The following OR2T35 variants were observed in gnomAD, a reference collection of about 807,000 sequenced individuals.
OR2T35 encodes the protein olfactory receptor 2T35.
For missense variants in OR2T35, 47 were observed against 278.8 expected (o/e 0.17, Z 5.92); for synonymous variants, 18 against 110.2 (o/e 0.16, Z 5.24).
At chr1:248,644,574 T>C (rs1234909313) in intron 1 of OR2T35, among the ~76,000 whole-genome samples, 4 of 142,394 alleles carry the variant, frequency 2.8e-5, no homozygotes, top group Non-Finnish European at 6.2e-5. Flanking sequence ...AGCTGAGGTG[T>C]GTGGGGTGGA....
intron 1 of OR2T35, among the ~76,000 whole-genome samples, chr1:248,644,424 ACT>A (rs753291144): frequency 1.5e-4 from 18 of 118,156 alleles, no homozygotes; most frequent in Non-Finnish European, 2.6e-4. Context: ...TGATTCCGAA[ACT>A]CGAGACTGAA....
intron 1 of OR2T35, among the ~76,000 whole-genome samples, chr1:248,642,247 AGAAAAAG>A (rs1414618130): frequency 9.2e-6 from 1 of 108,830 alleles, no homozygotes; most frequent in African/African-American, 2.6e-5. Flanking sequence ...AAAAAGAAAA[AGAAAAAG>A]CTTTTATTTG....
At chr1:248,641,830 G>A (rs1381046792) in intron 1 of OR2T35, among the ~76,000 whole-genome samples, 1 of 83,892 alleles carries the variant, frequency 1.2e-5, no homozygotes, top group East Asian at 3.2e-4. Flanking sequence ...GATATGTGTA[G>A]GGAAAAGGCC....
At chr1:248,642,206 C>A (rs1399460764) in intron 1 of OR2T35, among the ~76,000 whole-genome samples, 1 of 61,778 alleles carries the variant, frequency 1.6e-5, no homozygotes, top group Non-Finnish European at 5.3e-5. Context: ...CCTTCATCAA[C>A]TAGTCTTTCC....
At chr1:248,644,614 C>T (rs996872130) in intron 1 of OR2T35, among the ~76,000 whole-genome samples, 9 of 144,460 alleles carry the variant, frequency 6.2e-5, no homozygotes, top group African/African-American at 2.1e-4. Flanking sequence ...GCAGAGAGAC[C>T]AGAACTCAGC....
In OR2T35 at chr1:248,641,735, G is replaced by A. The variant is rs146839367; in HGVS notation, c.-22-2455C>T. Among the ~76,000 whole-genome samples the A allele has an allele frequency of 8.9e-3, 729 of 81,838 alleles. 83 individuals are homozygous for A. The highest frequency in any genetic ancestry group is 0.015 in the Admixed American group (99 of 6,512). 53.7% of individuals were successfully genotyped at this position (81,838 alleles called of 152,430 possible). A position where few individuals can be genotyped will look rare whatever the true frequency, so the allele number is the denominator to read the frequency against. On this transcript the variant is annotated intron_variant, in intron 1 of 1. Coordinates refer to ENST00000641268, the MANE Select transcript of OR2T35 (RefSeq NM_001001827.2). ...AAAAAGGTTCCTTGTGAGTGTGAGC[G>A]TTGTGCGTACATGTGTGTGTAGTGT...
intron 1 of OR2T35, among the ~76,000 whole-genome samples, chr1:248,642,179 TA>T (rs1400737928): frequency 9.7e-5 from 7 of 72,288 alleles, no homozygotes; most frequent in African/African-American, 2.4e-4. Context: ...TTCTCCACTC[TA>T]AGACACTTAG....
intron 1 of OR2T35, among the ~76,000 whole-genome samples, chr1:248,643,197 T>TC: frequency 2.3e-5 from 1 of 43,374 alleles, no homozygotes; most frequent in Admixed American, 2.2e-4. Context: ...TAGTTACTTC[T>TC]CCAGACCTCA....
At position 248,638,220 on chromosome 1, in the gene OR2T35, A is replaced by T. The variant is rs1660728380; in HGVS notation, c.*67T>A. On this transcript the variant is annotated 3_prime_UTR_variant, in exon 2 of 2. Transcript: ENST00000641268. Reference sequence around the variant, plus strand: ...CCTTCCTGATCAGTCACCACCCCTGATGCTCTGGGAGTCCCCGCTAATCCT... The same window carrying T: ...CCTTCCTGATCAGTCACCACCCCTGTTGCTCTGGGAGTCCCCGCTAATCCT... 1.1e-6 allele frequency: 1 copy of T among 949,856 alleles called. No individual in the cohort carries two copies. Among genetic ancestry groups the T allele is most frequent in the Non-Finnish European group, 1.7e-6 (1 of 600,148 alleles). 58.8% of individuals were successfully genotyped at this position (949,856 alleles called of 1,614,324 possible).
At chr1:248,642,191 G>T (rs1572108643) in intron 1 of OR2T35, among the ~76,000 whole-genome samples, 1 of 67,292 alleles carries the variant, frequency 1.5e-5, no homozygotes, top group Non-Finnish European at 4.6e-5. Context: ...AGACACTTAG[G>T]TTCCCCTTCA....
At chr1:248,642,388 C>T (rs1418586194) in intron 1 of OR2T35, among the ~76,000 whole-genome samples, 853 of 133,590 alleles carry the variant, frequency 6.4e-3, no homozygotes, top group African/African-American at 0.02. Context: ...GCAACATAAT[C>T]ATCTGGCAGG....
rs200057962 is a variant in OR2T35 at position 248,637,791 on chromosome 1, T to TA, written c.*495dup. On this transcript the variant is annotated 3_prime_UTR_variant, in exon 2 of 2. Coordinates refer to ENST00000641268, the MANE Select transcript of OR2T35 (RefSeq NM_001001827.2). Reference sequence around the variant, plus strand: ...AGACACAGAAGGACTCATCACACGTTAGCAATACAGACAGGCAGGACTCAT... The same window carrying TA: ...AGACACAGAAGGACTCATCACACGTTAAGCAATACAGACAGGCAGGACTCAT... 15 of 1,080 alleles carry TA rather than the reference T, an allele frequency of 0.014. No individual in the cohort carries two copies. Among genetic ancestry groups the TA allele is most frequent in the African/African-American group, 0.029 (13 of 448 alleles). 0.1% of individuals were successfully genotyped at this position (1,080 alleles called of 1,614,324 possible).
Position 248,638,366 on chromosome 1 carries a change from G to A in OR2T35, c.893C>T (p.Ala298Val), listed in dbSNP as rs778718994. ...LIYSLRNKDV[A>V]AALRKVLGRC... is the part of the protein sequence containing the mutation. ...CCCTAGTACTTTCCTCAGAGCTGCA[G>A]CCACATCTTTATTCCTCAAGCTGTA... is the stretch of plus-strand genomic sequence containing the variant. The change falls in exon 2 of 2, where the codon GCT becomes GTT. Residue 298 changes from alanine to valine, a missense_variant. Coordinates refer to ENST00000641268, the MANE Select transcript of OR2T35 (RefSeq NM_001001827.2). 4.0e-4 allele frequency: 418 copies of A among 1,032,342 alleles called. 8 individuals carry two copies. The South Asian group carries it at 5.0e-3, about 12-fold the overall frequency. The allele number at this position is 1,032,342 out of a possible 1,614,324, so 63.9% of individuals were successfully genotyped here. A position where few individuals can be genotyped will look rare whatever the true frequency, so the allele number is the denominator to read the frequency against.
chr1:248,641,484 G>A (rs1266680893), intron 1 of OR2T35, among the ~76,000 whole-genome samples: 1 of 47,196 alleles, frequency 2.1e-5, no homozygotes, highest in African/African-American at 4.0e-5. Context: ...ATGAACCAGA[G>A]CATTTTGTTT....
Position 248,638,236 on chromosome 1 carries a change from C to T in OR2T35, c.*51G>A, listed in dbSNP as rs545321173. 31 of 967,762 alleles carry T rather than the reference C, an allele frequency of 3.2e-5. 9 individuals carry two copies. Among genetic ancestry groups the T allele is most frequent in the Admixed American group, 5.5e-5 (3 of 54,072 alleles). 59.9% of individuals were successfully genotyped at this position (967,762 alleles called of 1,614,324 possible). ...CCACCCCTGATGCTCTGGGAGTCCC[C>T]GCTAATCCTTCCCGATCACAGTCAC... is the stretch of plus-strand genomic sequence containing the variant. On this transcript the variant is annotated 3_prime_UTR_variant, in exon 2 of 2. Coordinates refer to ENST00000641268, the MANE Select transcript of OR2T35 (RefSeq NM_001001827.2).
intron 1 of OR2T35, among the ~76,000 whole-genome samples, chr1:248,645,024 C>G (rs1321236399): frequency 2.3e-5 from 2 of 88,148 alleles, no homozygotes; most frequent in Non-Finnish European, 5.2e-5. Flanking sequence ...TGTTTTCATT[C>G]GTGGAAAAGT....
intron 1 of OR2T35, 89 bp from the exon 2 acceptor site, chr1:248,639,369 T>C (rs1421708747): frequency 1.3e-4 from 71 of 557,352 alleles, no homozygotes; most frequent in Non-Finnish European, 4.9e-5. Flanking sequence ...CAGCGTGAGA[T>C]CAAGAAAAGA....
intron 1 of OR2T35, among the ~76,000 whole-genome samples, chr1:248,644,427 C>T (rs562299238): frequency 5.9e-5 from 7 of 118,486 alleles, no homozygotes; most frequent in East Asian, 2.7e-4. Flanking sequence ...TTCCGAAACT[C>T]GAGACTGAAG....
Position 248,644,829 on chromosome 1 carries a change from G to A in OR2T35, c.-23+418C>T, listed in dbSNP as rs187796099. 5.1e-4 allele frequency among the ~76,000 whole-genome samples: 71 copies of A among 140,112 alleles called. 7 individuals carry two copies. The highest frequency in any genetic ancestry group is 9.2e-4 in the Admixed American group (13 of 14,172). The allele number at this position is 140,112 out of a possible 152,430, so 91.9% of individuals were successfully genotyped here. ...CCTACACAAGCTACTCCTGTACTCC[G>A]TCTGCTTTTATGAATGAATGCATTT... On this transcript the variant is annotated intron_variant, in intron 1 of 1. Coordinates refer to ENST00000641268, the MANE Select transcript of OR2T35 (RefSeq NM_001001827.2).
Sources: gnomAD v4.1 joint callset for allele counts (sites outside exome capture counted in the v4.1 genomes callset) on GRCh38, gnomAD v4.1.1 for gene constraint, MANE v1.5 for transcripts, NCBI Gene and HGNC (gene_info 2026-07-23, HGNC 2026-07-21) for gene names.